Variants in SULT1C3 observed in about 807,000 individuals in gnomAD.
The protein encoded by SULT1C3 is sulfotransferase 1C3.
Under a neutral mutation model 28.4 loss-of-function variants are expected in SULT1C3, and 31 were observed. The ratio of observed to expected loss-of-function variants is 1.09; its 90% confidence interval spans 0.82 to 1.47. SULT1C3 has a LOEUF of 1.47. Among genes scored for constraint, SULT1C3 ranks in the 40% most tolerant of loss-of-function variants. The probability of loss-of-function intolerance (pLI) is 0.00; values close to 1 mark genes in which losing one functional copy is unlikely to be tolerated. For missense variants in SULT1C3, 307 were observed against 272.5 expected (o/e 1.13, Z -0.89); for synonymous variants, 106 against 92.2 (o/e 1.15, Z -0.86).
At chr2:108,252,613 T>C in intron 3 of SULT1C3, 120 bp downstream of exon 3, 3 of 1,203,236 alleles carry the variant, frequency 2.5e-6, no homozygotes, top group South Asian at 3.9e-5. Context: ...ATGAGGTCTA[T>C]TTGTTCTCAG....
At chr2:108,244,786 A>G (rs4676191) in intron 1 of SULT1C3, among the ~76,000 whole-genome samples, 59,347 of 152,032 alleles carry the variant, frequency 0.39, 13,095 homozygotes, top group East Asian at 0.74. Context: ...GTGGTTTCCC[A>G]GGACCTTGCT....
intron 4 of SULT1C3, among the ~76,000 whole-genome samples, chr2:108,253,980 A>C (rs190037448): frequency 6.6e-6 from 1 of 151,844 alleles, no homozygotes; most frequent in Non-Finnish European, 1.5e-5. Context: ...ACACTGCAAC[A>C]CTACCACCTG....
intron 2 of SULT1C3, among the ~76,000 whole-genome samples, chr2:108,252,106 C>G (rs1558663612): frequency 1.3e-5 from 2 of 151,374 alleles, no homozygotes; most frequent in African/African-American, 4.9e-5. Context: ...TACTTAGATA[C>G]ATAGATAGAT....
chr2:108,262,010 G>A (rs560890445), downstream of SULT1C3, among the ~76,000 whole-genome samples: 1 of 152,168 alleles, frequency 6.6e-6, no homozygotes, highest in African/African-American at 2.4e-5. Context: ...GGGACCCTGG[G>A]GTGAAAGTTC....
At chr2:108,248,680 T>A (rs1267337619) in intron 2 of SULT1C3, among the ~76,000 whole-genome samples, 1 of 152,124 alleles carries the variant, frequency 6.6e-6, no homozygotes, top group Non-Finnish European at 1.5e-5. Context: ...ATTAGCCATA[T>A]AATTCCTAGA....
chr2:108,257,952 CTGTT>C (rs1311805249), intron 5 of SULT1C3, among the ~76,000 whole-genome samples: 3 of 152,048 alleles, frequency 2.0e-5, no homozygotes, highest in Non-Finnish European at 4.4e-5. Flanking sequence ...ACTTACATCT[CTGTT>C]TGTCCTGATT....
intron 2 of SULT1C3, among the ~76,000 whole-genome samples, chr2:108,249,496 G>A (rs1675674363): frequency 6.6e-6 from 1 of 151,898 alleles, no homozygotes; most frequent in Non-Finnish European, 1.5e-5. Context: ...GTTGGAATAT[G>A]ACATTTTAAA....
intron 2 of SULT1C3, among the ~76,000 whole-genome samples, chr2:108,250,319 T>C (rs996839040): frequency 2.0e-5 from 3 of 151,932 alleles, no homozygotes; most frequent in Admixed American, 6.6e-5. Flanking sequence ...ACACAAGATA[T>C]TCAACATCAT....
At chr2:108,264,791 C>A, downstream of SULT1C3, 1 of 1,573,994 alleles carries the variant, frequency 6.4e-7, no homozygotes, top group Non-Finnish European at 8.6e-7. Context: ...GAAGACCCAA[C>A]ATGATTTGTT....
chr2:108,243,010 C>T (rs563214578), intron 1 of SULT1C3, among the ~76,000 whole-genome samples: 3 of 152,164 alleles, frequency 2.0e-5, no homozygotes, highest in Non-Finnish European at 2.9e-5. Context: ...CCTTTTTACT[C>T]GACTTTAGCC....
At chr2:108,247,112 AGAT>A (rs1675601088) in intron 1 of SULT1C3, 73 bp from the exon 2 acceptor site, 9 of 1,140,218 alleles carry the variant, frequency 7.9e-6, no homozygotes, top group Non-Finnish European at 9.3e-6. Flanking sequence ...AAAGGCAGTA[AGAT>A]GATAACCCAT....
At chr2:108,257,667 A>G (rs1024909060) in intron 5 of SULT1C3, among the ~76,000 whole-genome samples, 1 of 152,064 alleles carries the variant, frequency 6.6e-6, no homozygotes, top group African/African-American at 2.4e-5. Context: ...GCTCTGTTTT[A>G]TTATTAGTTT....
downstream of SULT1C3, chr2:108,264,735 C>A: frequency 7.8e-7 from 1 of 1,287,778 alleles, no homozygotes; most frequent in Non-Finnish European, 1.1e-6. Context: ...GATCCTTTAA[C>A]TCATTTCTCT....
At chr2:108,263,375 G>A (rs185417913), downstream of SULT1C3, among the ~76,000 whole-genome samples, 131 of 152,218 alleles carry the variant, frequency 8.6e-4, no homozygotes, top group Non-Finnish European at 8.7e-4. Context: ...ACCACTCACT[G>A]AATACTGAAA....
Position 108,255,661 on chromosome 2 carries a change from C to G in SULT1C3, c.489C>G (p.Asn163Lys). Residue 163 changes from asparagine to lysine, a missense_variant, in exon 5 of 8, where the codon AAC becomes AAG. Asn to Lys is a moderately conservative substitution (Grantham distance 94). Coordinates refer to ENST00000681802, the MANE Select transcript of SULT1C3 (RefSeq NM_001320878.2). The part of the protein sequence containing the change: ...RMASFMPDPQ[N>K]LEEFYEKFMS... ...CTTCCTTTATGCCTGATCCTCAGAA[C>G]TTAGAGGAATTTTATGAGAAATTCA... The G allele has an allele frequency of 2.5e-6, 4 of 1,611,378 alleles. No individual in the cohort carries two copies. Among genetic ancestry groups the G allele is most frequent in the Non-Finnish European group, 3.4e-6 (4 of 1,178,226 alleles).
In SULT1C3 at chr2:108,247,289, C is replaced by CA; in HGVS notation, c.99dup (p.Glu34ArgfsTer8). On this transcript the variant is annotated frameshift_variant, in exon 2 of 8. Transcript: ENST00000681802. LOFTEE classifies it high-confidence loss of function. ...GATGGAGTCCCTACGTTGATATTAT[C>CA]AAAAGAATGGTGGGAAAAAGTATGT... 3 of 1,598,490 alleles carry CA rather than the reference C, an allele frequency of 1.9e-6. No individual in the cohort carries two copies. The highest frequency in any genetic ancestry group is 2.6e-6 in the Non-Finnish European group (3 of 1,171,360).
In SULT1C3 at chr2:108,258,980, G is replaced by A; in HGVS notation, c.636G>A (p.Glu212=). 1 of 678,288 alleles carries A rather than the reference G, an allele frequency of 1.5e-6. No individual in the cohort carries two copies. The highest frequency in any genetic ancestry group is 2.6e-6 in the Non-Finnish European group (1 of 379,516). 42.0% of individuals were successfully genotyped at this position (678,288 alleles called of 1,614,324 possible). ...CCCATGATCAGAATCCAAAACATGAGATCCACAAGGTGTTGGAATTCTTGG... is the reference window on the plus strand; with the variant it reads ...CCCATGATCAGAATCCAAAACATGAAATCCACAAGGTGTTGGAATTCTTGG... The part of the protein sequence containing the change: ...YEDIKKNPKH[E]IHKVLEFLEK... Residue 212 remains glutamate, a synonymous_variant, in exon 7 of 8, where the codon GAG becomes GAA. Coordinates refer to ENST00000681802, the MANE Select transcript of SULT1C3 (RefSeq NM_001320878.2).
rs528865112 is a variant in SULT1C3, at chr2:108,244,714, T to C, written c.-7-2474T>C. ...AAAATCAGCCTAAGTCTGCCTTTAC[T>C]TGTCTAAAGTCCTGCAATGAGAAGG... On this transcript the variant is annotated intron_variant, in intron 1 of 7. Coordinates refer to ENST00000681802, the MANE Select transcript of SULT1C3 (RefSeq NM_001320878.2). Among the ~76,000 whole-genome samples, 149 of 152,278 alleles carry C rather than the reference T, an allele frequency of 9.8e-4. 1 individual carries two copies. The highest frequency in any genetic ancestry group is 3.4e-3 in the African/African-American group (142 of 41,560).
At chr2:108,244,648 T>C (rs905932446) in intron 1 of SULT1C3, among the ~76,000 whole-genome samples, 6 of 152,172 alleles carry the variant, frequency 3.9e-5, no homozygotes, top group South Asian at 2.1e-4. Flanking sequence ...ATAACTGAGT[T>C]AAATTTTGGA....
Sources: gnomAD v4.1 joint callset for allele counts (sites outside exome capture counted in the v4.1 genomes callset) on GRCh38, gnomAD v4.1.1 for gene constraint, MANE v1.5 for transcripts, NCBI Gene and HGNC (gene_info 2026-07-23, HGNC 2026-07-21) for gene names.